DDX24: variants seen among roughly 807,000 people sequenced by gnomAD.
The protein encoded by DDX24 is DEAD-box helicase 24.
DDX24 carries 24 observed loss-of-function variants against 68.9 expected under a neutral mutation model. The ratio of observed to expected loss-of-function variants is 0.35; its 90% confidence interval spans 0.25 to 0.49. DDX24 has a LOEUF of 0.49. DDX24 is among the 20% of genes least tolerant of loss of function. The probability of loss-of-function intolerance (pLI) is 0.99; values close to 1 mark genes in which losing one functional copy is unlikely to be tolerated. For synonymous variants in DDX24, 395 were observed against 385.2 expected (o/e 1.03, Z -0.30); for missense variants, 989 against 1,039.0 (o/e 0.95, Z 0.66).
intron 7 of DDX24, among the ~76,000 whole-genome samples, 184 bp downstream of exon 7, chr14:94,054,812 T>TC (rs1331001410): frequency 1.3e-5 from 2 of 152,172 alleles, no homozygotes; most frequent in East Asian, 1.9e-4. Context: ...CTTCAGTCAC[T>TC]CCCCTTTTCT....
intron 7 of DDX24, among the ~76,000 whole-genome samples, chr14:94,054,050 A>G (rs1046004477): frequency 3.9e-5 from 6 of 152,192 alleles, no homozygotes; most frequent in Non-Finnish European, 8.8e-5. Flanking sequence ...GCCAACCTAT[A>G]GGTAACCAAA....
chr14:94,060,713 C>T (rs1206650706), intron 4 of DDX24, 100 bp from the exon 5 acceptor site: 43 of 1,439,754 alleles, frequency 3.0e-5, no homozygotes, highest in African/African-American at 4.3e-5. Context: ...CACACACACA[C>T]GTACACACCC....
At chr14:94,053,447 A>G in intron 7 of DDX24, 4 of 225,582 alleles carry the variant, frequency 1.8e-5, no homozygotes, top group South Asian at 6.6e-5. Context: ...GTGCTCAAGC[A>G]ATCTTTCCAC....
Position 94,051,160 on chromosome 14 carries a change from C to T in DDX24, c.*31G>A, listed in dbSNP as rs376230067. 6.7e-7 allele frequency: 1 copy of T among 1,490,274 alleles called. No individual in the cohort carries two copies. The highest frequency in any genetic ancestry group is 8.9e-7 in the Non-Finnish European group (1 of 1,123,312). 92.3% of individuals were successfully genotyped at this position (1,490,274 alleles called of 1,614,324 possible). A position where few individuals can be genotyped will look rare whatever the true frequency, so the allele number is the denominator to read the frequency against. On this transcript the variant is annotated 3_prime_UTR_variant, in exon 9 of 9. Coordinates refer to ENST00000621632, the MANE Select transcript of DDX24 (RefSeq NM_020414.4). ...TTTGCAAATAGCCAGAGAACAGAAA[C>T]CAATGTGCAGTCACTGACACACTTG... is the stretch of plus-strand genomic sequence containing the variant.
chr14:94,068,645 G>A (rs1284933494), intron 2 of DDX24, among the ~76,000 whole-genome samples: 1 of 152,134 alleles, frequency 6.6e-6, no homozygotes, highest in African/African-American at 2.4e-5. Context: ...TAAGAAAATT[G>A]AAATTATATC....
Position 94,060,482 on chromosome 14 carries a change from A to G in DDX24, c.1529T>C (p.Leu510Pro). The G allele has an allele frequency of 6.2e-7, 1 of 1,614,062 alleles. No homozygotes were observed. The highest frequency in any genetic ancestry group is 8.5e-7 in the Non-Finnish European group (1 of 1,180,008). ...AGCAGGAGCCTGATGCACCAGGGTG[A>G]GTGTGGCAGAAAAAACAAGCGTTTG... is the stretch of plus-strand genomic sequence containing the variant. ...KRQTLVFSAT[L>P]TLVHQAPARI... The change falls in exon 5 of 9, where the codon CTC becomes CCC. Residue 510 changes from leucine (L) to proline (P), a missense_variant. Around this residue, in one of 3 missense-constraint regions of DDX24, gnomAD observed 691 missense variants for 760.0 expected, o/e 0.91. Coordinates refer to ENST00000621632, the MANE Select transcript of DDX24 (RefSeq NM_020414.4).
At chr14:94,069,503 T>G (rs1885785489) in intron 2 of DDX24, among the ~76,000 whole-genome samples, 1 of 152,100 alleles carries the variant, frequency 6.6e-6, no homozygotes, top group Admixed American at 6.5e-5. Flanking sequence ...CCTCCCTAAT[T>G]CATTCTATGA....
rs1371683474 is a variant in DDX24 at position 94,060,617 on chromosome 14, C to T, written c.1398-4G>A. On this transcript the variant is annotated splice_polypyrimidine_tract_variant and splice_region_variant and intron_variant, in intron 4 of 8. Coordinates refer to ENST00000621632, the MANE Select transcript of DDX24 (RefSeq NM_020414.4). ...AGCCTCATCCACTACCAGGCACCTGCAGATCCAGAGAGACCCATATCATTG... is the reference window on the plus strand; with the variant it reads ...AGCCTCATCCACTACCAGGCACCTGTAGATCCAGAGAGACCCATATCATTG... 4 of 1,611,824 alleles carry T rather than the reference C, an allele frequency of 2.5e-6. No individual in the cohort carries two copies. Among genetic ancestry groups the T allele is most frequent in the African/African-American group, 1.3e-5 (1 of 74,796 alleles).
rs1885583235 is a variant in DDX24 at position 94,060,857 on chromosome 14, C to G, written c.1397+56G>C. On this transcript the variant is annotated intron_variant, in intron 4 of 8. Transcript: ENST00000621632. ...GAAGGCATTGCCCACACCATGTCAC[C>G]TAAGGCTCATTTCAGAAAAGGCAGT... 19 of 1,601,106 alleles carry G rather than the reference C, an allele frequency of 1.2e-5. No homozygotes were observed. The South Asian group carries it at 1.8e-4, about 15-fold the overall frequency.
intron 2 of DDX24, among the ~76,000 whole-genome samples, chr14:94,072,247 T>C (rs1885847015): frequency 6.6e-6 from 1 of 152,176 alleles, no homozygotes; most frequent in Non-Finnish European, 1.5e-5. Context: ...CTGTGGTATA[T>C]ACAGGATGGA....
Position 94,079,158 on chromosome 14 carries a change from C to G in DDX24, c.585G>C (p.Lys195Asn). Residue 195 changes from lysine (K) to asparagine (N), a missense_variant, in exon 2 of 9, where the codon AAG (lysine) becomes AAC (asparagine). Around this residue, in one of 3 missense-constraint regions of DDX24, gnomAD observed 295 missense variants for 263.0 expected, o/e 1.12. Transcript: ENST00000621632. Reference sequence around the variant, plus strand: ...GAACCGGCCTGGGAACAAACAGGTCCTTCCAAGCTGACACATCTGCTTTCT... The same window carrying G: ...GAACCGGCCTGGGAACAAACAGGTCGTTCCAAGCTGACACATCTGCTTTCT... ...HDQKADVSAW[K>N]DLFVPRPVLR... 1.2e-6 allele frequency: 2 copies of G among 1,614,232 alleles called. No individual in the cohort carries two copies. The highest frequency in any genetic ancestry group is 1.7e-6 in the Non-Finnish European group (2 of 1,180,038).
At chr14:94,061,569 C>CT (rs1287850220) in intron 3 of DDX24, among the ~76,000 whole-genome samples, 1 of 152,140 alleles carries the variant, frequency 6.6e-6, no homozygotes, top group African/African-American at 2.4e-5. Flanking sequence ...TAATTAATTG[C>CT]TGCTTTCATT....
chr14:94,059,829 A>G (rs1885557763), intron 5 of DDX24, among the ~76,000 whole-genome samples: 1 of 152,120 alleles, frequency 6.6e-6, no homozygotes, highest in African/African-American at 2.4e-5. Flanking sequence ...CCAGCACAGG[A>G]CCTAATCTAT....
At chr14:94,073,242 C>T (rs766268849) in intron 2 of DDX24, among the ~76,000 whole-genome samples, 8 of 151,986 alleles carry the variant, frequency 5.3e-5, no homozygotes, top group Admixed American at 2.0e-4. Flanking sequence ...CATGCCACCA[C>T]GCCTGGCTAT....
At position 94,079,587 on chromosome 14, in the gene DDX24, T is replaced by G. The variant is rs1886017591; in HGVS notation, c.156A>C (p.Glu52Asp). 6.2e-7 allele frequency: 1 copy of G among 1,614,040 alleles called. No homozygotes were observed. The highest frequency in any genetic ancestry group is 8.5e-7 in the Non-Finnish European group (1 of 1,180,032). The change falls in exon 2 of 9, where the codon GAA becomes GAC. Residue 52 changes from glutamate to aspartate, a missense_variant. By Grantham distance (45) the Glu-to-Asp change is conservative. Transcript: ENST00000621632. ...GGGAGACCAACTGGTAATCTGTCAA[T>G]TCCTCAAAGCACACCAAGTCATCCA... ...GQMDDLVCFE[E>D]LTDYQLVSPA...
intron 6 of DDX24, chr14:94,055,409 C>G (rs1885474646): frequency 1.8e-6 from 1 of 546,610 alleles, no homozygotes; most frequent in East Asian, 2.8e-5. Flanking sequence ...TGCCCCTGAC[C>G]CTGGTTCAGG....
chr14:94,051,014 TTC>T lies in DDX24; in HGVS notation c.*175_*176del. On this transcript the variant is annotated 3_prime_UTR_variant, in exon 9 of 9. Coordinates refer to ENST00000621632, the MANE Select transcript of DDX24 (RefSeq NM_020414.4). ...AGAAAAATTAAGCTGCTGCATTGAA[TTC>T]TTACTCCAAAACAATGCAAATCTGC... 3.3e-6 allele frequency: 2 copies of T among 599,990 alleles called. No individual in the cohort carries two copies. The highest frequency in any genetic ancestry group is 5.2e-6 in the Non-Finnish European group (2 of 383,798). 37.2% of individuals were successfully genotyped at this position (599,990 alleles called of 1,614,324 possible).
At chr14:94,062,657 T>C in intron 2 of DDX24, 36 bp from the exon 3 acceptor site, 1 of 1,554,768 alleles carries the variant, frequency 6.4e-7, no homozygotes, top group Admixed American at 1.9e-5. Flanking sequence ...GTAAAAACAG[T>C]GTGAATCAAC....
Position 94,051,068 on chromosome 14 carries a change from A to G in DDX24, c.*123T>C. On this transcript the variant is annotated 3_prime_UTR_variant, in exon 9 of 9. Coordinates refer to ENST00000621632, the MANE Select transcript of DDX24 (RefSeq NM_020414.4). ...TGAGGTCTCTCCCGCTATGGGTGTG[A>G]GTGGAAGAGAGGGAGACTTTTTTAC... 8.5e-7 allele frequency: 1 copy of G among 1,173,314 alleles called. No individual in the cohort carries two copies. The highest frequency in any genetic ancestry group is 1.2e-6 in the Non-Finnish European group (1 of 847,968). The allele number at this position is 1,173,314 out of a possible 1,614,324, so 72.7% of individuals were successfully genotyped here. A position where few individuals can be genotyped will look rare whatever the true frequency, so the allele number is the denominator to read the frequency against.
Sources: gnomAD v4.1 joint callset for allele counts (sites outside exome capture counted in the v4.1 genomes callset) on GRCh38, gnomAD v4.1.1 for gene constraint, gnomAD v4.1.1 regional missense constraint, MANE v1.5 for transcripts, NCBI Gene and HGNC (gene_info 2026-07-23, HGNC 2026-07-21) for gene names.